AQR: variants seen among roughly 807,000 people sequenced by gnomAD.
AQR encodes the protein aquarius intron-binding spliceosomal factor.
Under a neutral mutation model 180.5 loss-of-function variants are expected in AQR, and 61 were observed. That is an observed-to-expected ratio of 0.34 (90% CI 0.28 to 0.42). AQR has a LOEUF of 0.42. Among genes scored for constraint, AQR ranks in the 10% least tolerant of loss-of-function variants. The pLI, the probability that AQR is intolerant of heterozygous loss-of-function variation, is 1.00. For missense variants in AQR, 1,281 were observed against 1,798.3 expected, an observed-to-expected ratio of 0.71 and a Z score of 5.20; for synonymous variants, 551 against 588.8, an observed-to-expected ratio of 0.94 and a Z score of 0.93.
At chr15:34,907,124 G>A (rs760144453) in intron 17 of AQR, among the ~76,000 whole-genome samples, 7 of 152,162 alleles carry the variant, frequency 4.6e-5, no homozygotes, top group Non-Finnish European at 7.3e-5. Context: ...CTATCTATCA[G>A]TGTCATTCCA....
rs181950240 is a variant in AQR, at chr15:34,854,377, A to G, written c.*2415T>C. On this transcript the variant is annotated 3_prime_UTR_variant, in exon 35 of 35. Transcript: ENST00000156471. ...TCTGTAGTAATCCCAAACTATATAG[A>G]AAACTCTTGAATTTATTAAGCAATC... The G allele has an allele frequency of 2.5e-3, 378 of 152,274 alleles. 3 individuals carry two copies. The highest frequency in any genetic ancestry group is 8.5e-3 in the African/African-American group (355 of 41,576). 9.4% of individuals were successfully genotyped at this position (152,274 alleles called of 1,614,324 possible).
Position 34,906,639 on chromosome 15 carries a change from C to G in AQR, c.1737G>C (p.Arg579=), listed in dbSNP as rs1229100028. The part of the protein sequence containing the change: ...PTKPYGTKFD[R]RRPFIEQVGL... ...CAACCTGCTCAATAAAAGGTCTCCT[C>G]CGGTCAAACTTAGTGCCATAAGGTT... The change falls in exon 18 of 35, where the codon CGG becomes CGC. Residue 579 remains arginine (R), a synonymous_variant. Coordinates refer to ENST00000156471, the MANE Select transcript of AQR (RefSeq NM_014691.3). The G allele has an allele frequency of 1.2e-6, 2 of 1,613,986 alleles. No individual in the cohort carries two copies. Among genetic ancestry groups the G allele is most frequent in the East Asian group, 4.5e-5 (2 of 44,890 alleles).
intron 4 of AQR, 125 bp from the exon 5 acceptor site, chr15:34,948,509 A>G (rs1894163099): frequency 1.6e-6 from 2 of 1,285,640 alleles, no homozygotes; most frequent in African/African-American, 1.5e-5. Flanking sequence ...TCTATTTATA[A>G]CTTGGAATCC....
At chr15:34,943,281 A>C (rs989126063) in intron 6 of AQR, 8 of 1,586,206 alleles carry the variant, frequency 5.0e-6, no homozygotes, top group Non-Finnish European at 6.9e-6. Flanking sequence ...GATTGTGCTA[A>C]GGCTTGAGTG....
At chr15:34,934,733 C>A (rs538251524) in intron 9 of AQR, 98 bp from the exon 10 acceptor site, 98 of 685,558 alleles carry the variant, frequency 1.4e-4, no homozygotes, top group Admixed American at 2.8e-4. Flanking sequence ...TAAATAAAGT[C>A]AATTGTCTTT....
At chr15:34,871,615 A>G (rs1203555625) in intron 30 of AQR, among the ~76,000 whole-genome samples, 1 of 152,172 alleles carries the variant, frequency 6.6e-6, no homozygotes, top group Non-Finnish European at 1.5e-5. Context: ...TACCCAGTTT[A>G]ATAGCAAATA....
chr15:34,961,677 A>C (rs112515009), intron 2 of AQR, among the ~76,000 whole-genome samples: 6 of 119,506 alleles, frequency 5.0e-5, no homozygotes, highest in Admixed American at 8.4e-5. Context: ...AAAAAAAAAA[A>C]AGAAAAAAAG....
chr15:34,859,981 CT>C, intron 34 of AQR, 60 bp downstream of exon 34: 1 of 870,054 alleles, frequency 1.1e-6, no homozygotes, highest in South Asian at 3.7e-5. Context: ...AAGATTTATT[CT>C]GAAAAAAAGA....
At chr15:34,966,390 A>C (rs1202103900) in intron 1 of AQR, among the ~76,000 whole-genome samples, 1 of 152,146 alleles carries the variant, frequency 6.6e-6, no homozygotes, top group African/African-American at 2.4e-5. Flanking sequence ...CAATTCCCCC[A>C]CTTTCCTCTC....
At chr15:34,952,050 A>G (rs766245944) in intron 4 of AQR, among the ~76,000 whole-genome samples, 1 of 152,238 alleles carries the variant, frequency 6.6e-6, no homozygotes, top group African/African-American at 2.4e-5. Flanking sequence ...TAGAAAAACG[A>G]TAAGACCATC....
At chr15:34,954,328 G>A (rs980067493) in intron 3 of AQR, among the ~76,000 whole-genome samples, 6 of 151,126 alleles carry the variant, frequency 4.0e-5, no homozygotes, top group African/African-American at 1.5e-4. Context: ...TTTTTCTGAG[G>A]CAGAGCTTGC....
At chr15:34,895,188 ATATATATATAT>A (rs1315287290) in intron 22 of AQR, among the ~76,000 whole-genome samples, 105 of 11,280 alleles carry the variant, frequency 9.3e-3, no homozygotes, top group Middle Eastern at 0.083. Context: ...AAAAAAAAAA[ATATATATATAT>A]ATATATATAT....
At position 34,884,427 on chromosome 15, in the gene AQR, A is replaced by C. The variant is rs1347720763; in HGVS notation, c.3027+98T>G. ...TCTCAAAAAAAAACAAAAAAACAAA[A>C]AAACAAAAGATTTGAATATTTCACA... On this transcript the variant is annotated intron_variant, in intron 26 of 34. Coordinates refer to ENST00000156471, the MANE Select transcript of AQR (RefSeq NM_014691.3). 7 of 1,158,390 alleles carry C rather than the reference A, an allele frequency of 6.0e-6. No homozygotes were observed. In the African/African-American group the frequency reaches 1.1e-4, roughly 19 times the overall value. 71.8% of individuals were successfully genotyped at this position (1,158,390 alleles called of 1,614,324 possible).
chr15:34,951,728 C>T (rs1361213610), intron 4 of AQR, among the ~76,000 whole-genome samples: 2 of 149,834 alleles, frequency 1.3e-5, no homozygotes, highest in African/African-American at 4.9e-5. Flanking sequence ...TTGTTGCTTT[C>T]TCCTTCAGTT....
At chr15:34,919,812 C>T (rs1455725898) in intron 14 of AQR, among the ~76,000 whole-genome samples, 1 of 151,974 alleles carries the variant, frequency 6.6e-6, no homozygotes, top group Non-Finnish European at 1.5e-5. Context: ...GCACGAGAAT[C>T]ACTTGAACCT....
At chr15:34,898,801 G>A (rs938132600) in intron 20 of AQR, among the ~76,000 whole-genome samples, 4 of 151,594 alleles carry the variant, frequency 2.6e-5, no homozygotes, top group South Asian at 2.1e-4. Flanking sequence ...GGAGAATGGC[G>A]TGAACCCGGG....
At chr15:34,888,809 C>T (rs983066626) in intron 24 of AQR, among the ~76,000 whole-genome samples, 2 of 152,194 alleles carry the variant, frequency 1.3e-5, no homozygotes, top group African/African-American at 4.8e-5. Flanking sequence ...TTCTCTACAA[C>T]TTCACCAGAT....
intron 13 of AQR, among the ~76,000 whole-genome samples, chr15:34,924,674 G>A (rs560044359): frequency 1.8e-4 from 28 of 152,038 alleles, no homozygotes; most frequent in Admixed American, 5.2e-4. Flanking sequence ...CAGGTGATCC[G>A]CCCACCTCAG....
intron 8 of AQR, among the ~76,000 whole-genome samples, chr15:34,940,260 T>A (rs575305695): frequency 3.3e-5 from 5 of 152,352 alleles, no homozygotes; most frequent in Non-Finnish European, 7.3e-5. Flanking sequence ...CTGGGTGCAG[T>A]GGCTCACGCC....
Sources: gnomAD v4.1 joint callset for allele counts (sites outside exome capture counted in the v4.1 genomes callset) on GRCh38, gnomAD v4.1.1 for gene constraint, MANE v1.5 for transcripts, NCBI Gene and HGNC (gene_info 2026-07-23, HGNC 2026-07-21) for gene names.